ILRUN: variants seen among roughly 807,000 people sequenced by gnomAD.
ILRUN encodes inflammation and lipid regulator with UBA-like and NBR1-like domains.
A neutral mutation model predicts 33.8 loss-of-function variants in ILRUN; 3 were observed. The ratio of observed to expected loss-of-function variants is 0.09; its 90% CI spans 0.04 to 0.23. ILRUN has a LOEUF of 0.23. Ranked by LOEUF, ILRUN falls within the 10% of genes least tolerant of loss-of-function variation. The probability of loss-of-function intolerance (pLI) is 1.00; values close to 1 mark genes in which losing one functional copy is unlikely to be tolerated. For missense variants in ILRUN, 210 were observed against 375.1 expected (o/e 0.56, Z 3.64); for synonymous variants, 124 against 138.9 (o/e 0.89, Z 0.75).
chr6:34,645,676 T>C (rs1186691185), intron 3 of ILRUN, among the ~76,000 whole-genome samples: 1 of 152,126 alleles, frequency 6.6e-6, no homozygotes, highest in African/African-American at 2.4e-5. Flanking sequence ...CCAGCAGATA[T>C]AAATTGTGTC....
At chr6:34,675,894 C>T (rs1763218411) in intron 1 of ILRUN, among the ~76,000 whole-genome samples, 2 of 152,066 alleles carry the variant, frequency 1.3e-5, no homozygotes, top group South Asian at 2.1e-4. Context: ...AAAATGAATA[C>T]ATTTTAACCC....
chr6:34,594,554 G>A (rs1761358861), intron 4 of ILRUN, among the ~76,000 whole-genome samples: 1 of 152,216 alleles, frequency 6.6e-6, no homozygotes, highest in Non-Finnish European at 1.5e-5. Flanking sequence ...TAGGGGATAT[G>A]AAACTGTTCA....
intron 1 of ILRUN, among the ~76,000 whole-genome samples, chr6:34,668,884 G>A (rs910775875): frequency 3.6e-5 from 5 of 140,496 alleles, no homozygotes; most frequent in African/African-American, 8.0e-5. Context: ...CGCTCTTGTC[G>A]CCAGGCTGGA....
At chr6:34,694,294 T>C (rs991678614) in intron 1 of ILRUN, among the ~76,000 whole-genome samples, 3 of 152,092 alleles carry the variant, frequency 2.0e-5, no homozygotes, top group African/African-American at 7.2e-5. Flanking sequence ...CTTACTAGGG[T>C]AGTGTTTAAA....
chr6:34,690,364 G>A lies in ILRUN; in HGVS notation c.158+6082C>T, dbSNP rs931641274. On this transcript the variant is annotated intron_variant, in intron 1 of 4. Transcript: ENST00000374023. ...TAATCCCAGCTACTTGGGAGGCTGA[G>A]GCACAAGAATCGCATGAACCCAGGA... Among the ~76,000 whole-genome samples, 11 of 152,232 alleles carry A rather than the reference G, an allele frequency of 7.2e-5. No individual in the cohort carries two copies. In the East Asian group the frequency reaches 2.1e-3, roughly 29 times the overall value.
chr6:34,621,787 A>AG (rs1309538301), intron 3 of ILRUN, among the ~76,000 whole-genome samples: 5 of 151,796 alleles, frequency 3.3e-5, no homozygotes, highest in African/African-American at 9.7e-5. Flanking sequence ...ACTTGAACCC[A>AG]GGGGGGCAGA....
chr6:34,666,110 T>C (rs1368702480), intron 1 of ILRUN, among the ~76,000 whole-genome samples: 8 of 152,210 alleles, frequency 5.3e-5, no homozygotes, highest in African/African-American at 1.2e-4. Flanking sequence ...TTCTAATATA[T>C]GATGGGCAAA....
chr6:34,696,737 T>A lies in ILRUN; in HGVS notation c.-134A>T. 1 of 780,714 alleles carries A rather than the reference T, an allele frequency of 1.3e-6. No homozygotes were observed. The highest frequency in any genetic ancestry group is 2.8e-5 in the East Asian group (1 of 36,124). The allele number at this position is 780,714 out of a possible 1,614,324, so 48.4% of individuals were successfully genotyped here. A position where few individuals can be genotyped will look rare whatever the true frequency, so the allele number is the denominator to read the frequency against. On this transcript the variant is annotated 5_prime_UTR_variant, in exon 1 of 5. Coordinates refer to ENST00000374023, the MANE Select transcript of ILRUN (RefSeq NM_024294.4). ...GCTCCTTTGAGGTAGGCCCCGGGCC[T>A]CTCACAGTCTCATAGGGGTAAACTC...
At chr6:34,687,443 C>A (rs1314164717) in intron 1 of ILRUN, among the ~76,000 whole-genome samples, 1 of 151,994 alleles carries the variant, frequency 6.6e-6, no homozygotes, top group Admixed American at 6.6e-5. Flanking sequence ...CGCCTGTAAT[C>A]CAAGCACTCT....
chr6:34,680,079 C>T (rs143238164), intron 1 of ILRUN, among the ~76,000 whole-genome samples: 62 of 152,368 alleles, frequency 4.1e-4, no homozygotes, highest in African/African-American at 1.2e-3. Flanking sequence ...GAAACTTATA[C>T]AATGTGTGAA....
rs893177495 is a variant in ILRUN at position 34,600,594 on chromosome 6, C to T, written c.861+5961G>A. Among the ~76,000 whole-genome samples, 5 of 152,074 alleles carry T rather than the reference C, an allele frequency of 3.3e-5. No individual in the cohort carries two copies. The South Asian group carries it at 1.0e-3, about 32-fold the overall frequency. On this transcript the variant is annotated intron_variant, in intron 4 of 4. Transcript: ENST00000374023. Reference sequence around the variant, plus strand: ...TTTGTGTGTGTGACATCAAAAAGTACAGATGCTGCTATAACAAGAGTGAGT... The same window carrying T: ...TTTGTGTGTGTGACATCAAAAAGTATAGATGCTGCTATAACAAGAGTGAGT...
chr6:34,693,933 T>C (rs1367665189), intron 1 of ILRUN, among the ~76,000 whole-genome samples: 1 of 152,004 alleles, frequency 6.6e-6, no homozygotes, highest in Non-Finnish European at 1.5e-5. Context: ...ATCCTCCCAC[T>C]TCAGCCTCCC....
At chr6:34,678,391 C>T (rs1421406885) in intron 1 of ILRUN, among the ~76,000 whole-genome samples, 2 of 152,032 alleles carry the variant, frequency 1.3e-5, no homozygotes, top group Non-Finnish European at 2.9e-5. Flanking sequence ...GGAGTACAAA[C>T]ATGTGCAGGT....
At chr6:34,651,610 G>C (rs1762669999) in intron 2 of ILRUN, among the ~76,000 whole-genome samples, 1 of 151,930 alleles carries the variant, frequency 6.6e-6, no homozygotes, top group South Asian at 2.1e-4. Flanking sequence ...ACACTGAAGA[G>C]CTCACAGAAA....
intron 1 of ILRUN, among the ~76,000 whole-genome samples, chr6:34,670,258 G>A (rs188462088): frequency 2.0e-5 from 3 of 152,258 alleles, no homozygotes; most frequent in African/African-American, 4.8e-5. Context: ...GGTTGCCCAA[G>A]GCTGGGGGGT....
At chr6:34,645,995 T>A (rs1324075388) in intron 3 of ILRUN, among the ~76,000 whole-genome samples, 5 of 152,186 alleles carry the variant, frequency 3.3e-5, no homozygotes, top group Non-Finnish European at 7.3e-5. Context: ...TGGTGCCAAA[T>A]GATCATTAAA....
intron 1 of ILRUN, among the ~76,000 whole-genome samples, chr6:34,656,080 CA>C (rs1472325799): frequency 4.6e-5 from 7 of 151,572 alleles, no homozygotes; most frequent in African/African-American, 1.7e-4. Flanking sequence ...AAAAAAAGTA[CA>C]AAAAATTAGC....
intron 1 of ILRUN, among the ~76,000 whole-genome samples, chr6:34,694,538 C>T (rs1763714170): frequency 6.6e-6 from 1 of 152,176 alleles, no homozygotes; most frequent in South Asian, 2.1e-4. Context: ...TGACTAAACA[C>T]CACAGGTTAG....
chr6:34,685,055 T>C (rs1431891811), intron 1 of ILRUN, among the ~76,000 whole-genome samples: 3 of 152,268 alleles, frequency 2.0e-5, no homozygotes, highest in East Asian at 3.9e-4. Flanking sequence ...AAGCCACTTG[T>C]AGAAAACCGA....
Sources: gnomAD v4.1 joint callset for allele counts (sites outside exome capture counted in the v4.1 genomes callset) on GRCh38, gnomAD v4.1.1 for gene constraint, MANE v1.5 for transcripts, NCBI Gene and HGNC (gene_info 2026-07-23, HGNC 2026-07-21) for gene names.